TTC28: variants seen among roughly 807,000 people sequenced by gnomAD.
The protein encoded by TTC28 is tetratricopeptide repeat domain 28, also known as tetratricopeptide repeat protein 28.
TTC28 carries 61 observed loss-of-function variants against 198.0 expected under a neutral mutation model. The observed-to-expected ratio is 0.31, with a 90% CI of 0.25 to 0.38. TTC28 has a LOEUF of 0.38. TTC28 is among the 10% of genes least tolerant of loss of function. The pLI, the probability that TTC28 is intolerant of heterozygous loss-of-function variation, is 1.00. For synonymous variants in TTC28, 1,171 were observed against 1,297.8 expected (o/e 0.90, Z 2.10); for missense variants, 2,678 against 3,164.0 (o/e 0.85, Z 3.69).
At chr22:28,073,903 T>C (rs1358155687) in intron 12 of TTC28, among the ~76,000 whole-genome samples, 1 of 152,078 alleles carries the variant, frequency 6.6e-6, no homozygotes, top group African/African-American at 2.4e-5. Flanking sequence ...GAACAAGAAA[T>C]AAATGCTTGT....
At chr22:28,476,434 T>C (rs1340707142) in intron 2 of TTC28, among the ~76,000 whole-genome samples, 2 of 152,220 alleles carry the variant, frequency 1.3e-5, no homozygotes. Context: ...TTCTAAAACA[T>C]AGCTCCTAGT....
At chr22:28,445,888 A>G (rs1018193555) in intron 2 of TTC28, among the ~76,000 whole-genome samples, 2 of 151,770 alleles carry the variant, frequency 1.3e-5, no homozygotes, top group Non-Finnish European at 2.9e-5. Flanking sequence ...ACACACACAC[A>G]TATGTATTTC....
intron 2 of TTC28, among the ~76,000 whole-genome samples, chr22:28,363,222 C>T (rs957615664): frequency 3.8e-4 from 58 of 152,204 alleles, no homozygotes; most frequent in African/African-American, 1.4e-3. Context: ...GGACTTAGTG[C>T]CCTGTGTCCC....
chr22:27,993,210 TGCGGG>T, intron 18 of TTC28, 72 bp downstream of exon 18: 1 of 1,304,190 alleles, frequency 7.7e-7, no homozygotes, highest in Non-Finnish European at 1.0e-6. Context: ...TCCTCATGAA[TGCGGG>T]GCCCAAGGCC....
chr22:28,226,585 C>T (rs1038338502), intron 5 of TTC28, among the ~76,000 whole-genome samples: 1 of 152,250 alleles, frequency 6.6e-6, no homozygotes, highest in East Asian at 1.9e-4. Flanking sequence ...CGCTACCACA[C>T]TTGGCTAATT....
Position 27,985,398 on chromosome 22 carries a change from G to T in TTC28, c.5708-42C>A, listed in dbSNP as rs543446520. On this transcript the variant is annotated intron_variant, in intron 21 of 22. Coordinates refer to ENST00000397906, the MANE Select transcript of TTC28 (RefSeq NM_001145418.2). ...TATAAGCATCTGCTTCCTTCGGGAA[G>T]ATTCCAGATCTTGAACATGAGCGCT... 3.4e-6 allele frequency: 5 copies of T among 1,482,100 alleles called. No individual in the cohort carries two copies. In the South Asian group the frequency reaches 6.1e-5, roughly 18 times the overall value. 91.8% of individuals were successfully genotyped at this position (1,482,100 alleles called of 1,614,324 possible). A position where few individuals can be genotyped will look rare whatever the true frequency, so the allele number is the denominator to read the frequency against.
intron 2 of TTC28, among the ~76,000 whole-genome samples, chr22:28,498,821 G>A (rs532706031): frequency 4.3e-4 from 65 of 152,266 alleles, no homozygotes; most frequent in African/African-American, 1.5e-3. Flanking sequence ...ACTTCTGTAA[G>A]AAATGTAGAG....
chr22:28,261,423 A>G (rs1931311475), intron 5 of TTC28, among the ~76,000 whole-genome samples: 1 of 152,102 alleles, frequency 6.6e-6, no homozygotes. Context: ...GCAGGAGAGG[A>G]GGTTAGAAAG....
chr22:28,534,562 A>G (rs1397275194), intron 2 of TTC28, among the ~76,000 whole-genome samples: 2 of 152,196 alleles, frequency 1.3e-5, no homozygotes, highest in Non-Finnish European at 2.9e-5. Context: ...CCCATTACTG[A>G]GTATATACCC....
intron 5 of TTC28, among the ~76,000 whole-genome samples, chr22:28,166,862 C>T (rs1027540591): frequency 3.3e-5 from 5 of 151,902 alleles, no homozygotes; most frequent in African/African-American, 1.2e-4. Context: ...AAAAACCCTT[C>T]AAAACATCAA....
intron 6 of TTC28, among the ~76,000 whole-genome samples, chr22:28,128,871 T>C (rs1009312411): frequency 6.6e-6 from 1 of 152,138 alleles, no homozygotes; most frequent in African/African-American, 2.4e-5. Flanking sequence ...TATCTAACAC[T>C]GAGACTCACT....
At chr22:28,471,113 C>T (rs1272319771) in intron 2 of TTC28, among the ~76,000 whole-genome samples, 1 of 152,210 alleles carries the variant, frequency 6.6e-6, no homozygotes, top group Admixed American at 6.5e-5. Flanking sequence ...ATACTTTCAT[C>T]TTTCAACGCT....
chr22:28,543,165 T>C (rs1216659379), intron 2 of TTC28, among the ~76,000 whole-genome samples: 1 of 152,026 alleles, frequency 6.6e-6, no homozygotes, highest in Non-Finnish European at 1.5e-5. Flanking sequence ...CAAGACCCCA[T>C]CTCTACAAAA....
rs1370288329 is a variant in TTC28 at position 28,351,197 on chromosome 22, A to G, written c.382-44554T>C. Reference sequence around the variant, plus strand: ...ACTCTGTCTCAAAGAAAAAAAAAAGAAACACTTCTCCAGAGCTATCAGGAA... The same window carrying G: ...ACTCTGTCTCAAAGAAAAAAAAAAGGAACACTTCTCCAGAGCTATCAGGAA... On this transcript the variant is annotated intron_variant, in intron 2 of 22. Transcript: ENST00000397906. 2.0e-5 allele frequency among the ~76,000 whole-genome samples: 3 copies of G among 152,208 alleles called. No individual in the cohort carries two copies. The East Asian group carries it at 5.8e-4, about 29-fold the overall frequency.
At position 28,401,919 on chromosome 22, in the gene TTC28, CTA is replaced by C. The variant is rs558335964; in HGVS notation, c.382-95278_382-95277del. 1.4e-3 allele frequency among the ~76,000 whole-genome samples: 215 copies of C among 152,268 alleles called. 1 individual carries two copies. The highest frequency in any genetic ancestry group is 4.8e-3 in the African/African-American group (200 of 41,558). ...GTTCCATGCATTTAATTCACAACTGCTATGTTTCAGACACAGGATTTTTAAAT... is the reference window on the plus strand; with the variant it reads ...GTTCCATGCATTTAATTCACAACTGCTGTTTCAGACACAGGATTTTTAAAT... On this transcript the variant is annotated intron_variant, in intron 2 of 22. Transcript: ENST00000397906.
Position 27,998,534 on chromosome 22 carries a change from T to C in TTC28, c.5119+6A>G, listed in dbSNP as rs1569075211. The C allele has an allele frequency of 2.6e-6, 4 of 1,546,062 alleles. No homozygotes were observed. The highest frequency in any genetic ancestry group is 1.7e-6 in the Non-Finnish European group (2 of 1,144,180). ...GACAGGCACCCGCAGCCAGCCGAAC[T>C]CCCACCTGCCCAGTTGGAGGGGTGC... On this transcript the variant is annotated splice_donor_region_variant and intron_variant, in intron 16 of 22. Coordinates refer to ENST00000397906, the MANE Select transcript of TTC28 (RefSeq NM_001145418.2).
At chr22:28,451,879 T>C (rs2047783050) in intron 2 of TTC28, among the ~76,000 whole-genome samples, 1 of 152,220 alleles carries the variant, frequency 6.6e-6, no homozygotes, top group African/African-American at 2.4e-5. Flanking sequence ...AATTTCAGTA[T>C]GTCATACTTA....
intron 2 of TTC28, among the ~76,000 whole-genome samples, chr22:28,588,516 G>A (rs1415076584): frequency 6.6e-6 from 1 of 152,192 alleles, no homozygotes; most frequent in East Asian, 1.9e-4. Flanking sequence ...AGAAATGGGA[G>A]AGGAGCACTT....
chr22:28,134,886 A>AT lies in TTC28; in HGVS notation c.1442-26484dup, dbSNP rs1284444012. 2.0e-5 allele frequency among the ~76,000 whole-genome samples: 3 copies of AT among 151,944 alleles called. No homozygotes were observed. In the East Asian group the frequency reaches 5.8e-4, roughly 29 times the overall value. On this transcript the variant is annotated intron_variant, in intron 6 of 22. Coordinates refer to ENST00000397906, the MANE Select transcript of TTC28 (RefSeq NM_001145418.2). ...CTATATTTCTGTGTGGAAGTTGTCC[A>AT]TTTTTTCCATTTGTTTCAAGCTTAT...
Sources: gnomAD v4.1 joint callset for allele counts (sites outside exome capture counted in the v4.1 genomes callset) on GRCh38, gnomAD v4.1.1 for gene constraint, MANE v1.5 for transcripts, NCBI Gene and HGNC (gene_info 2026-07-23, HGNC 2026-07-21) for gene names.